Variants in SLC71A1 observed in about 807,000 individuals in gnomAD.
SLC71A1 encodes the protein hippocampus abundant gene transcript 1.
chr1:100,046,721 G>A, the SLC71A1 span, among the ~76,000 whole-genome samples: 167 of 152,282 alleles, frequency 1.1e-3, no homozygotes, highest in African/African-American at 3.7e-3. Flanking sequence ...TTATGAACAT[G>A]AAATATCTTC....
chr1:100,042,047 T>G, the SLC71A1 span, among the ~76,000 whole-genome samples: 1 of 152,258 alleles, frequency 6.6e-6, no homozygotes, highest in African/African-American at 2.4e-5. Flanking sequence ...CTGTTTTGTT[T>G]TATTAAAGCA....
chr1:100,049,676 T>G, the SLC71A1 span, among the ~76,000 whole-genome samples: 1 of 152,196 alleles, frequency 6.6e-6, no homozygotes, highest in South Asian at 2.1e-4. Flanking sequence ...CCAAGCTCCC[T>G]TGGACTCTGT....
At chr1:100,055,564 A>AT in the SLC71A1 span, among the ~76,000 whole-genome samples, 2 of 151,566 alleles carry the variant, frequency 1.3e-5, no homozygotes, top group African/African-American at 4.8e-5. Context: ...TTCCTTTTTT[A>AT]TTTTTAAATA....
the SLC71A1 span, among the ~76,000 whole-genome samples, chr1:100,072,181 A>C: frequency 1.3e-5 from 2 of 152,208 alleles, no homozygotes; most frequent in Non-Finnish European, 2.9e-5. Context: ...TACAATTGAG[A>C]ATGACTTGTC....
the SLC71A1 span, chr1:100,078,421 A>T: frequency 1.4e-6 from 2 of 1,410,456 alleles, no homozygotes; most frequent in East Asian, 2.3e-5. Flanking sequence ...AGAAGAATTT[A>T]CTGTTTTTGT....
chr1:100,042,664 A>G, the SLC71A1 span, among the ~76,000 whole-genome samples: 6 of 151,516 alleles, frequency 4.0e-5, no homozygotes, highest in African/African-American at 1.2e-4. Flanking sequence ...CTGGGGTGCA[A>G]TGGCGTGATC....
At chr1:100,051,773 G>A in the SLC71A1 span, among the ~76,000 whole-genome samples, 1 of 152,156 alleles carries the variant, frequency 6.6e-6, no homozygotes, top group East Asian at 1.9e-4. Flanking sequence ...AAGTACTTGA[G>A]CTTTGTAATA....
At chr1:100,062,825 C>T in the SLC71A1 span, among the ~76,000 whole-genome samples, 7,330 of 149,968 alleles carry the variant, frequency 0.049, 207 homozygotes, top group African/African-American at 0.069. Flanking sequence ...CCTGTAATCT[C>T]AGCACTTTGG....
At chr1:100,079,711 T>A in the SLC71A1 span, 1 of 152,144 alleles carries the variant, frequency 6.6e-6, no homozygotes, top group African/African-American at 2.4e-5. Context: ...TGAAACCCTG[T>A]CTCTACTAAA....
the SLC71A1 span, among the ~76,000 whole-genome samples, chr1:100,077,533 T>C: frequency 6.6e-6 from 1 of 152,234 alleles, no homozygotes; most frequent in Admixed American, 6.5e-5. Context: ...TTTGAATCTT[T>C]AAGGAGCATT....
At chr1:100,049,288 G>A in the SLC71A1 span, among the ~76,000 whole-genome samples, 26 of 145,552 alleles carry the variant, frequency 1.8e-4, no homozygotes, top group Non-Finnish European at 3.6e-4. Flanking sequence ...TGTTGATATC[G>A]TGTTTATATT....
chr1:100,051,097 A>AC, the SLC71A1 span, among the ~76,000 whole-genome samples: 1 of 145,736 alleles, frequency 6.9e-6, no homozygotes, highest in African/African-American at 2.5e-5. Flanking sequence ...AAAAAAAAAA[A>AC]CAAAAAAAAA....
chr1:100,080,685 T>C, the SLC71A1 span: 29 of 1,600,788 alleles, frequency 1.8e-5, no homozygotes, highest in African/African-American at 2.9e-4. Flanking sequence ...CATGATCAAA[T>C]TGTATGGTTC....
the SLC71A1 span, among the ~76,000 whole-genome samples, chr1:100,052,460 G>A: frequency 1.9e-4 from 23 of 122,124 alleles, no homozygotes; most frequent in South Asian, 3.9e-3. Flanking sequence ...ACGGAGTCTC[G>A]CTCTGTCTGT....
chr1:100,077,238 T>C, the SLC71A1 span: 1 of 1,591,494 alleles, frequency 6.3e-7, no homozygotes, highest in Admixed American at 1.7e-5. Context: ...GGATTTCAAA[T>C]ATTACAGTTG....
chr1:100,064,279 C>G, the SLC71A1 span, among the ~76,000 whole-genome samples: 4 of 151,916 alleles, frequency 2.6e-5, no homozygotes, highest in Admixed American at 2.0e-4. Context: ...GTAGCTATGC[C>G]CACCACCATG....
the SLC71A1 span, chr1:100,058,676 A>T: frequency 6.4e-7 from 1 of 1,565,004 alleles, no homozygotes; most frequent in African/African-American, 1.4e-5. Flanking sequence ...GTATTACATG[A>T]AACCTTTCCT....
chr1:100,046,211 C>CTTT, the SLC71A1 span, among the ~76,000 whole-genome samples: 7 of 69,460 alleles, frequency 1.0e-4, no homozygotes, highest in East Asian at 8.0e-4. Flanking sequence ...CTCCAAGCCT[C>CTTT]GTTTTTTTTT....
At chr1:100,071,768 G>C in the SLC71A1 span, among the ~76,000 whole-genome samples, 2 of 152,242 alleles carry the variant, frequency 1.3e-5, no homozygotes, top group South Asian at 4.1e-4. Context: ...CAGACCCAGT[G>C]ATGAGTGGAG....
Sources: gnomAD v4.1 joint callset for allele counts (sites outside exome capture counted in the v4.1 genomes callset) on GRCh38, gnomAD v4.1.1 for gene constraint, MANE v1.5 for transcripts, NCBI Gene and HGNC (gene_info 2026-07-23, HGNC 2026-07-21) for gene names.